Variants in SLC24A4 observed in about 807,000 individuals in gnomAD.
The protein encoded by SLC24A4 is solute carrier family 24 member 4, also known as sodium/potassium/calcium exchanger 4.
In SLC24A4, 53 loss-of-function variants were observed where a neutral mutation model predicts 79.0. The observed-to-expected ratio is 0.67, with a 90% confidence interval of 0.54 to 0.84. The LOEUF (loss-of-function observed/expected upper bound fraction) is 0.84. SLC24A4 is among the 40% of genes least tolerant of loss of function. The pLI is 0.00. For missense variants in SLC24A4, 731 were observed against 822.0 expected, an observed-to-expected ratio of 0.89 and a Z score of 1.35; for synonymous variants, 323 against 323.8, an observed-to-expected ratio of 1.00 and a Z score of 0.03.
intron 12 of SLC24A4, among the ~76,000 whole-genome samples, chr14:92,458,053 G>A (rs1273695169): frequency 6.6e-6 from 1 of 152,168 alleles, no homozygotes; most frequent in Non-Finnish European, 1.5e-5. Context: ...AGATTCTCTG[G>A]GTTAGAGATT....
chr14:92,430,574 A>T (rs1180006952), intron 2 of SLC24A4, among the ~76,000 whole-genome samples: 1 of 152,162 alleles, frequency 6.6e-6, no homozygotes, highest in African/African-American at 2.4e-5. Context: ...ACAGTCGAGG[A>T]TGGGTGCACG....
intron 2 of SLC24A4, among the ~76,000 whole-genome samples, chr14:92,399,836 C>T (rs2141758711): frequency 6.6e-6 from 1 of 152,138 alleles, no homozygotes; most frequent in South Asian, 2.1e-4. Flanking sequence ...GGAGAACTTA[C>T]CTTGTTTGAG....
chr14:92,434,050 G>T (rs532722064), intron 3 of SLC24A4, 62 bp downstream of exon 3: 1 of 1,291,146 alleles, frequency 7.7e-7, no homozygotes, highest in South Asian at 1.2e-5. Context: ...CTGCACAGCG[G>T]GGCAGAGCCG....
intron 12 of SLC24A4, among the ~76,000 whole-genome samples, chr14:92,479,402 G>C (rs1015542163): frequency 6.6e-6 from 1 of 152,192 alleles, no homozygotes; most frequent in Non-Finnish European, 1.5e-5. Context: ...TTTGTTGAGT[G>C]TTTCCATCAA....
At chr14:92,335,795 C>T (rs779273837) in intron 2 of SLC24A4, among the ~76,000 whole-genome samples, 52 of 152,104 alleles carry the variant, frequency 3.4e-4, no homozygotes, top group Non-Finnish European at 5.4e-4. Context: ...ATTGTGATTC[C>T]TATATTCCTT....
At chr14:92,332,327 A>G (rs759963331) in intron 2 of SLC24A4, among the ~76,000 whole-genome samples, 2 of 152,176 alleles carry the variant, frequency 1.3e-5, no homozygotes, top group Non-Finnish European at 2.9e-5. Flanking sequence ...TCGACAGTTT[A>G]TGTAATCAGT....
intron 2 of SLC24A4, among the ~76,000 whole-genome samples, chr14:92,421,394 C>G (rs1274775250): frequency 6.6e-6 from 1 of 152,164 alleles, no homozygotes; most frequent in Non-Finnish European, 1.5e-5. Flanking sequence ...TCCCTACCCC[C>G]AGTGGTTCTG....
At chr14:92,413,408 A>G (rs1890825885) in intron 2 of SLC24A4, among the ~76,000 whole-genome samples, 1 of 152,104 alleles carries the variant, frequency 6.6e-6, no homozygotes, top group African/African-American at 2.4e-5. Flanking sequence ...GTCTCCCAGG[A>G]AATCCTGAGC....
chr14:92,364,706 C>T (rs1287909239), intron 2 of SLC24A4, among the ~76,000 whole-genome samples: 1 of 152,220 alleles, frequency 6.6e-6, no homozygotes, highest in African/African-American at 2.4e-5. Context: ...CCCTCTTCTT[C>T]CTTCAGGCCT....
At chr14:92,491,905 G>C (rs962238042) in intron 15 of SLC24A4, 128 bp downstream of exon 15, 1 of 756,950 alleles carries the variant, frequency 1.3e-6, no homozygotes, top group Non-Finnish European at 2.3e-6. Context: ...ATTTTCCATG[G>C]CGGCTTCTAG....
rs1887975976 is a variant in SLC24A4, at chr14:92,368,455, C to A, written c.241+42477C>A. On this transcript the variant is annotated intron_variant, in intron 2 of 16. Transcript: ENST00000532405. ...GGAAGGAGGGTTCCCTCTGAATTTC[C>A]TATAGTAAATGGGATTGGGGCCCTA... Among the ~76,000 whole-genome samples, 5 of 152,050 alleles carry A rather than the reference C, an allele frequency of 3.3e-5. No homozygotes were observed. The South Asian group carries it at 1.0e-3, about 32-fold the overall frequency.
chr14:92,332,976 G>A (rs767221728), intron 2 of SLC24A4, among the ~76,000 whole-genome samples: 60 of 152,228 alleles, frequency 3.9e-4, no homozygotes, highest in African/African-American at 1.4e-3. Flanking sequence ...CTTGTAGAAC[G>A]TGCTTCTAAA....
chr14:92,358,405 A>G (rs1887300500), intron 2 of SLC24A4, among the ~76,000 whole-genome samples: 1 of 152,096 alleles, frequency 6.6e-6, no homozygotes, highest in Non-Finnish European at 1.5e-5. Flanking sequence ...CGAATAATCT[A>G]TTATTTGCTG....
chr14:92,475,508 C>A (rs971071835), intron 12 of SLC24A4, among the ~76,000 whole-genome samples: 5 of 152,284 alleles, frequency 3.3e-5, no homozygotes, highest in Admixed American at 2.6e-4. Context: ...TTCATAAATT[C>A]TTCAAAACCA....
chr14:92,335,450 G>A (rs1885731283), intron 2 of SLC24A4, among the ~76,000 whole-genome samples: 1 of 152,102 alleles, frequency 6.6e-6, no homozygotes, highest in African/African-American at 2.4e-5. Flanking sequence ...TGCCTCCCGG[G>A]TTCAAGCAAT....
intron 2 of SLC24A4, among the ~76,000 whole-genome samples, chr14:92,340,386 C>T (rs2141615145): frequency 6.6e-6 from 1 of 152,360 alleles, no homozygotes; most frequent in Admixed American, 6.5e-5. Context: ...AGCATTTGAG[C>T]TGTGCTTTGA....
intron 14 of SLC24A4, 123 bp downstream of exon 14, chr14:92,486,903 G>C (rs1895397465): frequency 1.6e-6 from 1 of 616,634 alleles, no homozygotes; most frequent in African/African-American, 1.9e-5. Context: ...TCCTGCTGTG[G>C]AGAAAAACTG....
At position 92,477,414 on chromosome 14, in the gene SLC24A4, C is replaced by A. The variant is rs531368457; in HGVS notation, c.1256-5266C>A. On this transcript the variant is annotated intron_variant, in intron 12 of 16. Transcript: ENST00000532405. ...ATTTGCAAAATGATTTTTTTCCATT[C>A]AATAGGTAGTATTTTCATGGTCTAT... Among the ~76,000 whole-genome samples, 58 of 152,242 alleles carry A rather than the reference C, an allele frequency of 3.8e-4. 1 individual carries two copies. The highest frequency in any genetic ancestry group is 6.8e-3 in the Middle Eastern group (2 of 294).
intron 2 of SLC24A4, among the ~76,000 whole-genome samples, chr14:92,433,152 G>T (rs1343668188): frequency 6.6e-6 from 1 of 152,160 alleles, no homozygotes; most frequent in Admixed American, 6.5e-5. Context: ...TGGTGAGGGT[G>T]GGTGGAGATC....
Sources: gnomAD v4.1 joint callset for allele counts (sites outside exome capture counted in the v4.1 genomes callset) on GRCh38, gnomAD v4.1.1 for gene constraint, MANE v1.5 for transcripts, NCBI Gene and HGNC (gene_info 2026-07-23, HGNC 2026-07-21) for gene names.